The following TRIM44 variants were observed in gnomAD, a reference collection of about 807,000 sequenced individuals.
TRIM44 encodes the protein tripartite motif containing 44, also known as tripartite motif-containing protein 44.
Under a neutral mutation model 37.4 loss-of-function variants are expected in TRIM44, and 13 were observed. That is an observed-to-expected ratio of 0.35 (90% CI 0.23 to 0.55). TRIM44 has a LOEUF of 0.55. Ranked by LOEUF, TRIM44 falls within the 20% of genes least tolerant of loss-of-function variation. The pLI is 0.89. For synonymous variants in TRIM44, 175 were observed against 157.2 expected, an observed-to-expected ratio of 1.11 and a Z score of -0.85; for missense variants, 426 against 437.2, an observed-to-expected ratio of 0.97 and a Z score of 0.23.
At chr11:35,745,605 A>C (rs891067464) in intron 4 of TRIM44, among the ~76,000 whole-genome samples, 5 of 152,204 alleles carry the variant, frequency 3.3e-5, no homozygotes, top group African/African-American at 1.2e-4. Context: ...AGAGTTAAGA[A>C]AGATTTAAGA....
intron 4 of TRIM44, among the ~76,000 whole-genome samples, chr11:35,765,328 A>T (rs1852782905): frequency 6.6e-6 from 1 of 152,196 alleles, no homozygotes; most frequent in African/African-American, 2.4e-5. Context: ...TGAACAAAGA[A>T]TTATAATCTA....
chr11:35,792,648 A>G (rs1193027481), intron 4 of TRIM44, among the ~76,000 whole-genome samples: 1 of 152,210 alleles, frequency 6.6e-6, no homozygotes, highest in East Asian at 1.9e-4. Flanking sequence ...CCAGCTGCCA[A>G]ATGTCTTCAG....
Position 35,806,393 on chromosome 11 carries a change from C to T in TRIM44, c.*8C>T, listed in dbSNP as rs761761104. The stretch of plus-strand genomic sequence containing the variant: ...GAAGAAGAGGACACATGAAGGCTTG[C>T]TACCCCCAGTGGAAAATCATCCCCT... On this transcript the variant is annotated 3_prime_UTR_variant, in exon 5 of 5. Transcript: ENST00000299413. 6.2e-7 allele frequency: 1 copy of T among 1,613,636 alleles called. No homozygotes were observed. The highest frequency in any genetic ancestry group is 8.5e-7 in the Non-Finnish European group (1 of 1,179,658).
intron 2 of TRIM44, among the ~76,000 whole-genome samples, chr11:35,691,178 A>G (rs540274818): frequency 6.6e-6 from 1 of 152,332 alleles, no homozygotes; most frequent in African/African-American, 2.4e-5. Context: ...GAACTGAGGC[A>G]AGTGCTTCCA....
chr11:35,764,187 G>C (rs966262626), intron 4 of TRIM44, among the ~76,000 whole-genome samples: 3 of 152,070 alleles, frequency 2.0e-5, no homozygotes, highest in African/African-American at 7.3e-5. Flanking sequence ...GTCCCTCTTT[G>C]TTGTACAGAG....
chr11:35,780,726 C>G (rs12287892), intron 4 of TRIM44, among the ~76,000 whole-genome samples: 3,887 of 152,176 alleles, frequency 0.026, 127 homozygotes, highest in African/African-American at 0.073. Context: ...TCCCCATCAC[C>G]CCTACACATA....
intron 4 of TRIM44, among the ~76,000 whole-genome samples, chr11:35,744,592 A>T (rs1394123121): frequency 6.6e-6 from 1 of 151,984 alleles, no homozygotes; most frequent in Non-Finnish European, 1.5e-5. Context: ...TCAGGGGTAC[A>T]TGTGCAGGAC....
chr11:35,794,690 A>T (rs757704328), intron 4 of TRIM44, among the ~76,000 whole-genome samples: 2 of 152,356 alleles, frequency 1.3e-5, no homozygotes, highest in South Asian at 2.1e-4. Flanking sequence ...TAAGCTGTTC[A>T]TGAGATTCCT....
intron 4 of TRIM44, among the ~76,000 whole-genome samples, chr11:35,739,811 CAT>C (rs879451955): frequency 1.2e-4 from 18 of 152,276 alleles, no homozygotes; most frequent in African/African-American, 1.9e-4. Context: ...ATATGTAAAA[CAT>C]GTGTATTAAC....
intron 1 of TRIM44, among the ~76,000 whole-genome samples, chr11:35,669,413 G>A (rs1851366403): frequency 6.6e-6 from 1 of 152,042 alleles, no homozygotes; most frequent in Admixed American, 6.6e-5. Context: ...TTTTAGCAGG[G>A]TGAAAAGGTG....
intron 4 of TRIM44, among the ~76,000 whole-genome samples, chr11:35,756,648 T>A (rs968350082): frequency 2.0e-5 from 3 of 152,190 alleles, no homozygotes; most frequent in African/African-American, 7.2e-5. Context: ...GGGTTTGTCA[T>A]AGATAGCTCT....
chr11:35,725,983 G>T lies in TRIM44; in HGVS notation c.807G>T (p.Val269=). 1 of 1,614,034 alleles carries T rather than the reference G, an allele frequency of 6.2e-7. No homozygotes were observed. The highest frequency in any genetic ancestry group is 1.7e-5 in the Admixed American group (1 of 60,018). ...AGGAATTTAAGAAAGTTCAGAAAGT[G>T]ATTGCTGATGAGGAGCAGAAGGCCC... is the stretch of plus-strand genomic sequence containing the variant. ...IQQEFKKVQK[V]IADEEQKALH... The change falls in exon 3 of 5, where the codon GTG becomes GTT. Residue 269 remains valine, a synonymous_variant. Transcript: ENST00000299413.
At position 35,736,592 on chromosome 11, in the gene TRIM44, G is replaced by A. The variant is rs547898012; in HGVS notation, c.1007+1147G>A. ...CCATATCCTGAGCCTCTTTCTTAGC[G>A]CCAAATGTTGTCCCACATCTGCATC... On this transcript the variant is annotated intron_variant, in intron 4 of 4. Coordinates refer to ENST00000299413, the MANE Select transcript of TRIM44 (RefSeq NM_017583.6). Among the ~76,000 whole-genome samples the A allele has an allele frequency of 1.6e-4, 25 of 151,794 alleles. No individual in the cohort carries two copies. In the East Asian group the frequency reaches 2.7e-3, roughly 16 times the overall value.
At chr11:35,680,754 A>C (rs1189143500) in intron 1 of TRIM44, among the ~76,000 whole-genome samples, 3 of 152,206 alleles carry the variant, frequency 2.0e-5, no homozygotes, top group Non-Finnish European at 4.4e-5. Context: ...CAACATATGG[A>C]AGTCCCCAAT....
At chr11:35,703,391 AG>A (rs1851824590) in intron 2 of TRIM44, among the ~76,000 whole-genome samples, 1 of 152,218 alleles carries the variant, frequency 6.6e-6, no homozygotes, top group South Asian at 2.1e-4. Flanking sequence ...TGTCTTTGAC[AG>A]CTTTGAAGAG....
intron 4 of TRIM44, among the ~76,000 whole-genome samples, chr11:35,758,789 G>A (rs957731896): frequency 5.9e-4 from 90 of 152,168 alleles, no homozygotes; most frequent in Admixed American, 9.8e-4. Flanking sequence ...GAAATTCTGG[G>A]TTGAAAATTC....
chr11:35,664,849 A>C (rs949421654), intron 1 of TRIM44, among the ~76,000 whole-genome samples: 1 of 152,214 alleles, frequency 6.6e-6, no homozygotes, highest in South Asian at 2.1e-4. Flanking sequence ...TTCCAATTAT[A>C]ACCATCTCTC....
rs2051431974 is a variant in TRIM44, at chr11:35,814,789, A to G, written c.*8404A>G. The G allele has an allele frequency of 6.6e-6, 1 of 152,088 alleles. No individual in the cohort carries two copies. The highest frequency in any genetic ancestry group is 2.4e-5 in the African/African-American group (1 of 41,408). 9.4% of individuals were successfully genotyped at this position (152,088 alleles called of 1,614,324 possible). On this transcript the variant is annotated 3_prime_UTR_variant, in exon 5 of 5. Transcript: ENST00000299413. ...TTTATGTAAATACTTTTGTGACTTC[A>G]TTGTAACCAGCATTTTGTAATACTC...
At chr11:35,719,388 G>T (rs1852075028) in intron 2 of TRIM44, among the ~76,000 whole-genome samples, 1 of 152,024 alleles carries the variant, frequency 6.6e-6, no homozygotes, top group Non-Finnish European at 1.5e-5. Context: ...TCTTAGTGAG[G>T]TGTCTGTTTT....
Sources: gnomAD v4.1 joint callset for allele counts (sites outside exome capture counted in the v4.1 genomes callset) on GRCh38, gnomAD v4.1.1 for gene constraint, MANE v1.5 for transcripts, NCBI Gene and HGNC (gene_info 2026-07-23, HGNC 2026-07-21) for gene names.